SLC9A2: variants seen among roughly 807,000 people sequenced by gnomAD.
SLC9A2 encodes sodium/hydrogen exchanger 2.
SLC9A2 carries 42 observed loss-of-function variants against 71.7 expected under a neutral mutation model. The ratio of observed to expected loss-of-function variants is 0.59; its 90% CI spans 0.46 to 0.76. The LOEUF is 0.76. Among genes scored for constraint, SLC9A2 ranks in the 30% least tolerant of loss-of-function variants. The pLI is 0.00. For missense variants in SLC9A2, 829 were observed against 1,017.4 expected (o/e 0.81, Z 2.52); for synonymous variants, 396 against 392.5 (o/e 1.01, Z -0.10).
In SLC9A2 at chr2:102,710,071, T is replaced by C. The variant is rs530006617; in HGVS notation, c.*1582T>C. On this transcript the variant is annotated 3_prime_UTR_variant, in exon 12 of 12. Transcript: ENST00000233969. ...ATGTTCTAAAGTCTTAGAATACTGC[T>C]GGATTGTTGAGCATGAGACAGAGCA... The C allele has an allele frequency of 6.5e-6, 1 of 152,892 alleles. No individual in the cohort carries two copies. Among genetic ancestry groups the C allele is most frequent in the South Asian group, 2.1e-4 (1 of 4,826 alleles). 9.5% of individuals were successfully genotyped at this position (152,892 alleles called of 1,614,324 possible).
At chr2:102,679,438 G>T (rs1363919656) in intron 3 of SLC9A2, among the ~76,000 whole-genome samples, 1 of 151,028 alleles carries the variant, frequency 6.6e-6, no homozygotes, top group Non-Finnish European at 1.5e-5. Context: ...CTGGAGTGCA[G>T]TGGCGCGATC....
At chr2:102,705,019 C>T (rs1290576276) in intron 10 of SLC9A2, among the ~76,000 whole-genome samples, 6 of 151,954 alleles carry the variant, frequency 3.9e-5, no homozygotes, top group African/African-American at 9.7e-5. Context: ...CTGGGCAACA[C>T]GGTGAAACCC....
intron 3 of SLC9A2, among the ~76,000 whole-genome samples, chr2:102,676,789 C>T (rs1447946410): frequency 6.6e-6 from 1 of 152,184 alleles, no homozygotes; most frequent in Non-Finnish European, 1.5e-5. Context: ...CAAGACCTGG[C>T]TTTAATCAAT....
In SLC9A2 at chr2:102,710,047, T is replaced by C. The variant is rs1678074798; in HGVS notation, c.*1558T>C. ...GAAGTCAATCTACACTTTTTTCTCATGTTCTAAAGTCTTAGAATACTGCTG... is the reference window on the plus strand; with the variant it reads ...GAAGTCAATCTACACTTTTTTCTCACGTTCTAAAGTCTTAGAATACTGCTG... On this transcript the variant is annotated 3_prime_UTR_variant, in exon 12 of 12. Transcript: ENST00000233969. The C allele has an allele frequency of 1.3e-5, 2 of 152,732 alleles. No homozygotes were observed. Among genetic ancestry groups the C allele is most frequent in the African/African-American group, 4.8e-5 (2 of 41,438 alleles). 9.5% of individuals were successfully genotyped at this position (152,732 alleles called of 1,614,324 possible).
chr2:102,696,511 T>C (rs1329804730), intron 7 of SLC9A2, among the ~76,000 whole-genome samples: 1 of 152,170 alleles, frequency 6.6e-6, no homozygotes. Context: ...TTGGGCTACA[T>C]AAGAAGTATA....
intron 1 of SLC9A2, among the ~76,000 whole-genome samples, chr2:102,650,759 T>G (rs1676816304): frequency 6.6e-6 from 1 of 152,166 alleles, no homozygotes; most frequent in South Asian, 2.1e-4. Context: ...CTGAGATACA[T>G]TATGGGGTTA....
intron 5 of SLC9A2, among the ~76,000 whole-genome samples, chr2:102,693,152 GA>G (rs1677695579): frequency 6.6e-6 from 1 of 151,634 alleles, no homozygotes; most frequent in Non-Finnish European, 1.5e-5. Flanking sequence ...TAACATCTGG[GA>G]TGGATTGGGC....
At chr2:102,653,023 T>A in intron 1 of SLC9A2, among the ~76,000 whole-genome samples, 1 of 152,244 alleles carries the variant, frequency 6.6e-6, no homozygotes, top group East Asian at 1.9e-4. Context: ...TTGTTTGTTG[T>A]CACTAATTAC....
intron 1 of SLC9A2, among the ~76,000 whole-genome samples, chr2:102,638,046 G>A (rs1375611598): frequency 6.6e-6 from 1 of 152,184 alleles, no homozygotes; most frequent in Non-Finnish European, 1.5e-5. Context: ...GATTTTCCAA[G>A]ATAACTTGGA....
At chr2:102,628,832 C>T (rs1676303363) in intron 1 of SLC9A2, among the ~76,000 whole-genome samples, 1 of 152,106 alleles carries the variant, frequency 6.6e-6, no homozygotes, top group Non-Finnish European at 1.5e-5. Context: ...TATAGGCATG[C>T]ACCACCATGC....
chr2:102,705,486 C>CAT (rs1001690530), intron 10 of SLC9A2, among the ~76,000 whole-genome samples: 4 of 151,566 alleles, frequency 2.6e-5, no homozygotes, highest in Admixed American at 6.6e-5. Context: ...AAACACCTTA[C>CAT]ATATATATAT....
intron 1 of SLC9A2, among the ~76,000 whole-genome samples, chr2:102,639,061 G>A (rs1311916716): frequency 6.6e-6 from 1 of 152,306 alleles, no homozygotes; most frequent in East Asian, 1.9e-4. Flanking sequence ...GTGTGCACCT[G>A]TAGTCCTAAT....
At chr2:102,689,280 C>T (rs1247675202) in intron 5 of SLC9A2, among the ~76,000 whole-genome samples, 8 of 152,162 alleles carry the variant, frequency 5.3e-5, no homozygotes, top group Non-Finnish European at 8.8e-5. Flanking sequence ...ATATTGCTCT[C>T]TCAGAAGGGT....
Position 102,670,627 on chromosome 2 carries a change from C to G in SLC9A2, c.1004+5277C>G, listed in dbSNP as rs574508781. Among the ~76,000 whole-genome samples, 559 of 147,906 alleles carry G rather than the reference C, an allele frequency of 3.8e-3. 4 individuals are homozygous for G. The highest frequency in any genetic ancestry group is 0.013 in the African/African-American group (529 of 40,112). On this transcript the variant is annotated intron_variant, in intron 3 of 11. Transcript: ENST00000233969. Reference sequence around the variant, plus strand: ...AAAAAAAAAAAAAAAAAAAAACAACCCCAGCACATCCCGATGCAAATTTGT... The same window carrying G: ...AAAAAAAAAAAAAAAAAAAAACAACGCCAGCACATCCCGATGCAAATTTGT...
rs1678073655 is a variant in SLC9A2 at position 102,709,996 on chromosome 2, C to T, written c.*1507C>T. On this transcript the variant is annotated 3_prime_UTR_variant, in exon 12 of 12. Coordinates refer to ENST00000233969, the MANE Select transcript of SLC9A2 (RefSeq NM_003048.6). ...AAAATCCTCAGCAGTTGTTCTCCAC[C>T]CCTTCTCCACCTCCACCAGCAAGGA... 1 of 152,576 alleles carries T rather than the reference C, an allele frequency of 6.6e-6. No individual in the cohort carries two copies. Among genetic ancestry groups the T allele is most frequent in the African/African-American group, 2.4e-5 (1 of 41,398 alleles). 9.5% of individuals were successfully genotyped at this position (152,576 alleles called of 1,614,324 possible).
intron 1 of SLC9A2, among the ~76,000 whole-genome samples, chr2:102,625,948 G>A (rs977114754): frequency 1.3e-4 from 20 of 152,170 alleles, no homozygotes; most frequent in African/African-American, 4.8e-4. Context: ...CAGTGTAAAA[G>A]TGTTCCTATT....
At chr2:102,631,157 T>C (rs1395861717) in intron 1 of SLC9A2, among the ~76,000 whole-genome samples, 1 of 152,098 alleles carries the variant, frequency 6.6e-6, no homozygotes, top group Non-Finnish European at 1.5e-5. Context: ...TCAAGTACTA[T>C]AGATATAGAC....
chr2:102,700,045 G>A (rs982978355), intron 7 of SLC9A2, among the ~76,000 whole-genome samples: 13 of 152,112 alleles, frequency 8.5e-5, no homozygotes, highest in African/African-American at 2.9e-4. Flanking sequence ...TTTTTGGCGG[G>A]ACACAATTCA....
At chr2:102,637,179 G>A (rs775043160) in intron 1 of SLC9A2, among the ~76,000 whole-genome samples, 9 of 152,264 alleles carry the variant, frequency 5.9e-5, no homozygotes, top group East Asian at 3.9e-4. Context: ...TTCACCTGCC[G>A]TTCCTCACAG....
Sources: gnomAD v4.1 joint callset for allele counts (sites outside exome capture counted in the v4.1 genomes callset) on GRCh38, gnomAD v4.1.1 for gene constraint, MANE v1.5 for transcripts, NCBI Gene and HGNC (gene_info 2026-07-23, HGNC 2026-07-21) for gene names.